The following TMX4 variants were observed in gnomAD, a reference collection of about 807,000 sequenced individuals.
TMX4 encodes the protein thioredoxin-related transmembrane protein 4.
TMX4 carries 23 observed loss-of-function variants against 33.3 expected under a neutral mutation model. That is an observed-to-expected ratio of 0.69 (90% confidence interval 0.50 to 0.98). TMX4 has a LOEUF of 0.98. Among genes scored for constraint, TMX4 ranks in the 50% least tolerant of loss-of-function variants. The pLI, the probability that TMX4 is intolerant of heterozygous loss-of-function variation, is 0.00. For missense variants in TMX4, 399 were observed against 448.9 expected, an observed-to-expected ratio of 0.89 and a Z score of 1.01; for synonymous variants, 164 against 161.5, an observed-to-expected ratio of 1.02 and a Z score of -0.12.
intron 1 of TMX4, among the ~76,000 whole-genome samples, chr20:8,013,456 C>A (rs1448898558): frequency 1.3e-5 from 2 of 152,166 alleles, no homozygotes; most frequent in African/African-American, 4.8e-5. Flanking sequence ...GAAATATATT[C>A]CAGATAGCCA....
At chr20:8,019,324 G>C in intron 1 of TMX4, 114 bp downstream of exon 1, 1 of 1,250,714 alleles carries the variant, frequency 8.0e-7, no homozygotes, top group Non-Finnish European at 1.1e-6. Context: ...AGCCTGGTCC[G>C]GGGTTTTAGG....
At chr20:7,983,152 C>T (rs545955574) in intron 7 of TMX4, among the ~76,000 whole-genome samples, 1 of 152,260 alleles carries the variant, frequency 6.6e-6, no homozygotes, top group South Asian at 2.1e-4. Context: ...GTTATGTGAG[C>T]TAATAAATTT....
At chr20:8,000,403 C>T (rs2050700241) in intron 3 of TMX4, among the ~76,000 whole-genome samples, 3 of 152,044 alleles carry the variant, frequency 2.0e-5, no homozygotes, top group African/African-American at 2.4e-5. Context: ...GGGTTCTGCT[C>T]CCAGGACTCC....
intron 1 of TMX4, among the ~76,000 whole-genome samples, chr20:8,018,290 G>T (rs1030129759): frequency 2.2e-5 from 3 of 138,396 alleles, no homozygotes; most frequent in Non-Finnish European, 3.1e-5. Flanking sequence ...GGGCAGGTAG[G>T]GTGGAAAGGA....
intron 5 of TMX4, among the ~76,000 whole-genome samples, chr20:7,995,535 C>A (rs2050672541): frequency 6.6e-6 from 1 of 152,142 alleles, no homozygotes; most frequent in South Asian, 2.1e-4. Context: ...GTGTCTGTCA[C>A]AACTATTCAA....
intron 5 of TMX4, among the ~76,000 whole-genome samples, chr20:7,995,416 T>C (rs572540246): frequency 6.6e-6 from 1 of 152,312 alleles, no homozygotes; most frequent in South Asian, 2.1e-4. Flanking sequence ...TGAATAACAG[T>C]TCTAACCCAC....
chr20:8,018,698 G>T, intron 1 of TMX4: 1 of 174,682 alleles, frequency 5.7e-6, no homozygotes, highest in South Asian at 9.7e-5. Context: ...TAAAGAAAAG[G>T]CACTATCCAC....
chr20:7,983,950 CT>C, intron 6 of TMX4, 93 bp from the exon 7 acceptor site: 1 of 828,878 alleles, frequency 1.2e-6, no homozygotes, highest in Non-Finnish European at 1.9e-6. Context: ...ATCAGATATT[CT>C]TAGACTAATA....
chr20:8,013,286 T>C (rs780266259), intron 1 of TMX4, among the ~76,000 whole-genome samples: 2 of 152,230 alleles, frequency 1.3e-5, no homozygotes, highest in South Asian at 2.1e-4. Flanking sequence ...TGACCTGCCA[T>C]AACTTTGTCT....
intron 1 of TMX4, among the ~76,000 whole-genome samples, chr20:8,017,744 G>T (rs999606758): frequency 6.6e-6 from 1 of 152,170 alleles, no homozygotes; most frequent in African/African-American, 2.4e-5. Context: ...CTGACAAAAT[G>T]CAGTTTATCC....
chr20:7,987,114 C>A (rs1195368432), intron 6 of TMX4, among the ~76,000 whole-genome samples, 174 bp downstream of exon 6: 3 of 149,780 alleles, frequency 2.0e-5, no homozygotes, highest in Non-Finnish European at 3.0e-5. Context: ...AATAAATTTT[C>A]TGTTATATCT....
At chr20:7,990,973 C>G (rs1055275728) in intron 5 of TMX4, among the ~76,000 whole-genome samples, 3 of 152,144 alleles carry the variant, frequency 2.0e-5, no homozygotes, top group African/African-American at 7.2e-5. Flanking sequence ...ACATTCTAAA[C>G]ATTTTTATAC....
chr20:8,009,673 A>T (rs1342188559), intron 2 of TMX4, among the ~76,000 whole-genome samples: 1 of 152,114 alleles, frequency 6.6e-6, no homozygotes, highest in African/African-American at 2.4e-5. Context: ...AAATACTCGT[A>T]TAAGTTAATA....
At chr20:8,002,545 C>A (rs1368170157) in intron 2 of TMX4, among the ~76,000 whole-genome samples, 3 of 152,126 alleles carry the variant, frequency 2.0e-5, no homozygotes, top group African/African-American at 7.2e-5. Flanking sequence ...AAGGATCCTC[C>A]TGGCCAACAT....
At chr20:8,016,823 A>C (rs1364309181) in intron 1 of TMX4, among the ~76,000 whole-genome samples, 1 of 152,218 alleles carries the variant, frequency 6.6e-6, no homozygotes, top group African/African-American at 2.4e-5. Context: ...TGTGTCTTTA[A>C]AGAAGTTAAC....
chr20:7,997,715 C>T (rs75634372), intron 4 of TMX4, among the ~76,000 whole-genome samples: 3 of 152,346 alleles, frequency 2.0e-5, no homozygotes, highest in Non-Finnish European at 4.4e-5. Context: ...CAAGTGTGCT[C>T]TCATGGCGAC....
intron 4 of TMX4, among the ~76,000 whole-genome samples, chr20:7,997,209 C>T (rs984599252): frequency 6.6e-6 from 1 of 151,952 alleles, no homozygotes. Flanking sequence ...TCTCTTTTTC[C>T]TTCTTTCTAG....
intron 3 of TMX4, 151 bp downstream of exon 3, chr20:8,001,345 T>C: frequency 1.3e-6 from 1 of 789,002 alleles, no homozygotes; most frequent in Middle Eastern, 2.4e-4. Flanking sequence ...GGAAAGCTTC[T>C]CTTGTCACAG....
chr20:8,008,129 T>C (rs998218729), intron 2 of TMX4, among the ~76,000 whole-genome samples: 1 of 152,186 alleles, frequency 6.6e-6, no homozygotes, highest in Non-Finnish European at 1.5e-5. Context: ...AATTATAAAT[T>C]TAAAACAGTA....
Sources: allele counts gnomAD v4.1 joint callset (sites outside exome capture counted in the v4.1 genomes callset), GRCh38; gene constraint gnomAD v4.1.1; transcripts MANE v1.5; gene names NCBI Gene and HGNC (gene_info 2026-07-23, HGNC 2026-07-21).